The following TNRC6A variants were observed in gnomAD, a reference collection of about 807,000 sequenced individuals.
TNRC6A encodes trinucleotide repeat-containing gene 6A protein.
A neutral mutation model predicts 221.2 loss-of-function variants in TNRC6A; 44 were observed. That is an observed-to-expected ratio of 0.20 (90% CI 0.16 to 0.26). TNRC6A has a LOEUF of 0.26. Ranked by LOEUF, TNRC6A falls within the 10% of genes least tolerant of loss-of-function variation. The pLI, the probability that TNRC6A is intolerant of heterozygous loss-of-function variation, is 1.00. For synonymous variants in TNRC6A, 847 were observed against 838.5 expected (o/e 1.01, Z -0.18); for missense variants, 2,199 against 2,404.4 (o/e 0.91, Z 1.79).
At chr16:24,682,389 CT>C (rs563276976) in intron 2 of TNRC6A, among the ~76,000 whole-genome samples, 261 of 130,358 alleles carry the variant, frequency 2.0e-3, no homozygotes, top group Admixed American at 2.0e-3. Context: ...CCACGCCCAG[CT>C]TTTTTTTTTT....
intron 2 of TNRC6A, among the ~76,000 whole-genome samples, chr16:24,711,347 T>C (rs1444201925): frequency 6.6e-6 from 1 of 152,120 alleles, no homozygotes; most frequent in Non-Finnish European, 1.5e-5. Context: ...TTGAGTCACA[T>C]ATTTAAAGTG....
chr16:24,611,064 T>A lies in TNRC6A; in HGVS notation n.276+580T>A, dbSNP rs368460181. Reference sequence around the variant, plus strand: ...CTGACCTCCGGTGATCTCCCCGCCTTGGCCTCCGAAAGAGCTGGGATTACA... The same window carrying A: ...CTGACCTCCGGTGATCTCCCCGCCTAGGCCTCCGAAAGAGCTGGGATTACA... On this transcript the variant is annotated intron_variant and non_coding_transcript_variant, in intron 1 of 2. Transcript: ENST00000566108. 1.1e-4 allele frequency among the ~76,000 whole-genome samples: 17 copies of A among 152,262 alleles called. No homozygotes were observed. In the East Asian group the frequency reaches 2.5e-3, roughly 23 times the overall value.
At chr16:24,681,486 C>T (rs537919082) in intron 2 of TNRC6A, among the ~76,000 whole-genome samples, 1 of 152,348 alleles carries the variant, frequency 6.6e-6, no homozygotes, top group Non-Finnish European at 1.5e-5. Flanking sequence ...CCTCAGCCTC[C>T]CAGAATGCTA....
In TNRC6A at chr16:24,804,323, A is replaced by G; in HGVS notation, c.3837+4A>G. ...GCGCAATCCTTATTTTGATAAGGTA[A>G]GGTTTTTTACTTTTACCTCTGACTT... On this transcript the variant is annotated splice_donor_region_variant and intron_variant, in intron 12 of 24. Transcript: ENST00000395799. The G allele has an allele frequency of 6.2e-7, 1 of 1,610,278 alleles. No homozygotes were observed. The highest frequency in any genetic ancestry group is 8.5e-7 in the Non-Finnish European group (1 of 1,179,250).
chr16:24,692,764 CATATT>C (rs908867998), intron 2 of TNRC6A, among the ~76,000 whole-genome samples: 1 of 151,620 alleles, frequency 6.6e-6, no homozygotes, highest in Non-Finnish European at 1.5e-5. Flanking sequence ...TATATGGTGT[CATATT>C]ATACATGTAA....
At chr16:24,615,738 A>G (rs1900306686) in intron 1 of TNRC6A, among the ~76,000 whole-genome samples, 1 of 152,174 alleles carries the variant, frequency 6.6e-6, no homozygotes, top group Non-Finnish European at 1.5e-5. Flanking sequence ...ATGTGTTTCA[A>G]GTTGTAGCTG....
At chr16:24,794,882 A>G (rs2058186723) in intron 8 of TNRC6A, among the ~76,000 whole-genome samples, 163 bp downstream of exon 8, 1 of 152,142 alleles carries the variant, frequency 6.6e-6, no homozygotes, top group Non-Finnish European at 1.5e-5. Flanking sequence ...GAGAAACATA[A>G]GAAAGACCAC....
At chr16:24,756,232 A>G (rs1156693761) in intron 3 of TNRC6A, among the ~76,000 whole-genome samples, 1 of 152,202 alleles carries the variant, frequency 6.6e-6, no homozygotes, top group Non-Finnish European at 1.5e-5. Context: ...AGTTCAGACT[A>G]GCCACATTTC....
intron 8 of TNRC6A, among the ~76,000 whole-genome samples, chr16:24,795,466 G>A (rs1299853598): frequency 6.6e-6 from 1 of 152,032 alleles, no homozygotes; most frequent in Admixed American, 6.5e-5. Context: ...CAAAATATGT[G>A]CCCAGTCCCC....
At chr16:24,817,022 T>A in intron 20 of TNRC6A, 66 bp downstream of exon 20, 1 of 1,500,852 alleles carries the variant, frequency 6.7e-7, no homozygotes, top group Non-Finnish European at 8.9e-7. Context: ...GCTCATGTAG[T>A]ACCCAGCTAC....
chr16:24,782,068 C>T lies in TNRC6A; in HGVS notation c.589+4710C>T, dbSNP rs532434433. On this transcript the variant is annotated intron_variant, in intron 5 of 24. Transcript: ENST00000395799. Reference sequence around the variant, plus strand: ...CCATCTCCTGACCTTGTGATCTGCCCGCCTCGGCCTCCCAAAGTGCTGGGA... The same window carrying T: ...CCATCTCCTGACCTTGTGATCTGCCTGCCTCGGCCTCCCAAAGTGCTGGGA... Among the ~76,000 whole-genome samples the T allele has an allele frequency of 7.2e-5, 11 of 152,066 alleles. No individual in the cohort carries two copies. The South Asian group carries it at 2.1e-3, about 29-fold the overall frequency.
In TNRC6A at chr16:24,809,479, A is replaced by G. The variant is rs772667612; in HGVS notation, c.4670A>G (p.His1557Arg). 2 of 1,552,720 alleles carry G rather than the reference A, an allele frequency of 1.3e-6. No individual in the cohort carries two copies. The highest frequency in any genetic ancestry group is 3.7e-5 in the Admixed American group (2 of 54,476). The change falls in exon 18 of 25, where the codon CAT (histidine) becomes CGT (arginine). Residue 1557 changes from histidine (H) to arginine (R), a missense_variant and splice_region_variant. His to Arg is a conservative substitution (Grantham distance 29). Around this residue, in one of 8 missense-constraint regions of TNRC6A, gnomAD observed 449 missense variants for 579.7 expected, o/e 0.77. Transcript: ENST00000395799. The stretch of plus-strand genomic sequence containing the variant: ...TCTTTGGATCAAAACTCCAGCAAAC[A>G]TGGTACAAAAGATACATCTTACCAA... ...NTSLDQNSSK[H>R]GAISSGFRLE...
chr16:24,648,530 A>C (rs1271062067), intron 2 of TNRC6A, among the ~76,000 whole-genome samples: 2 of 152,078 alleles, frequency 1.3e-5, no homozygotes, highest in Non-Finnish European at 2.9e-5. Context: ...TTGGCCTCCC[A>C]AAGTGCTGGG....
At chr16:24,686,329 T>C (rs2055625337) in intron 2 of TNRC6A, among the ~76,000 whole-genome samples, 1 of 152,174 alleles carries the variant, frequency 6.6e-6, no homozygotes, top group East Asian at 1.9e-4. Flanking sequence ...CCAGAGCCTT[T>C]GTTCACCAAG....
intron 4 of TNRC6A, 27 bp from the exon 5 acceptor site, chr16:24,776,906 C>T: frequency 3.1e-6 from 5 of 1,592,668 alleles, no homozygotes; most frequent in Non-Finnish European, 3.4e-6. Context: ...CTAATCTTTT[C>T]CACCCCTTTT....
intron 2 of TNRC6A, among the ~76,000 whole-genome samples, chr16:24,680,957 C>T (rs941142908): frequency 7.9e-5 from 12 of 151,438 alleles, no homozygotes; most frequent in African/African-American, 2.9e-4. Flanking sequence ...TTTTGAGAGA[C>T]TAGGTCTCAC....
chr16:24,809,730 T>C (rs1321211597), intron 18 of TNRC6A, among the ~76,000 whole-genome samples: 1 of 152,228 alleles, frequency 6.6e-6, no homozygotes, highest in Non-Finnish European at 1.5e-5. Flanking sequence ...TTATTTTCTC[T>C]TTGGCTTTTT....
rs2056034314 is a variant in TNRC6A, at chr16:24,703,710, T to C, written n.403-47016T>C. ...TTATAAACATTTATATGCAAGTTTTTGTGTGGATATATGCTTTCATTTCTC... is the reference window on the plus strand; with the variant it reads ...TTATAAACATTTATATGCAAGTTTTCGTGTGGATATATGCTTTCATTTCTC... On this transcript the variant is annotated intron_variant and non_coding_transcript_variant, in intron 2 of 2. Coordinates refer to the TNRC6A transcript ENST00000566108. 3.3e-5 allele frequency among the ~76,000 whole-genome samples: 5 copies of C among 152,220 alleles called. No individual in the cohort carries two copies. The South Asian group carries it at 8.3e-4, about 25-fold the overall frequency.
At chr16:24,631,645 G>T (rs1163733379) in intron 1 of TNRC6A, among the ~76,000 whole-genome samples, 1 of 151,934 alleles carries the variant, frequency 6.6e-6, no homozygotes, top group South Asian at 2.1e-4. Context: ...GGTGGCGCAC[G>T]CCTGTAGTCC....
Sources: gnomAD v4.1 joint callset for allele counts (sites outside exome capture counted in the v4.1 genomes callset) on GRCh38, gnomAD v4.1.1 for gene constraint, gnomAD v4.1.1 regional missense constraint, MANE v1.5 for transcripts, NCBI Gene and HGNC (gene_info 2026-07-23, HGNC 2026-07-21) for gene names.